PLA1A: variants seen among roughly 807,000 people sequenced by gnomAD.
PLA1A encodes the protein phospholipase A1 member A.
In PLA1A, 47 loss-of-function variants were observed where a neutral mutation model predicts 49.4. The ratio of observed to expected loss-of-function variants is 0.95; its 90% confidence interval spans 0.75 to 1.21. The LOEUF (loss-of-function observed/expected upper bound fraction) is 1.21, where lower values mean the gene tolerates loss of function less well. PLA1A is among the 50% of genes most tolerant of loss of function. The probability of loss-of-function intolerance (pLI) is 0.00; values close to 1 mark genes in which losing one functional copy is unlikely to be tolerated. For synonymous variants in PLA1A, 224 were observed against 207.9 expected (o/e 1.08, Z -0.67); for missense variants, 561 against 563.9 (o/e 0.99, Z 0.05).
At chr3:119,606,698 C>G in intron 1 of PLA1A, 76 bp from the exon 2 acceptor site, 1 of 1,201,100 alleles carries the variant, frequency 8.3e-7, no homozygotes, top group South Asian at 1.3e-5. Flanking sequence ...TGCTTCCTTC[C>G]AAGGTCATCT....
intron 1 of PLA1A, among the ~76,000 whole-genome samples, chr3:119,603,167 G>C (rs990695364): frequency 2.5e-4 from 10 of 40,700 alleles, no homozygotes; most frequent in Admixed American, 1.8e-3. Flanking sequence ...AACATGACTT[G>C]ACTGACTTAA....
At chr3:119,609,321 G>C in intron 3 of PLA1A, 147 bp from the exon 4 acceptor site, 2 of 734,538 alleles carry the variant, frequency 2.7e-6, no homozygotes, top group Admixed American at 3.8e-5. Context: ...TTAACAATGA[G>C]AGTGCTGTCC....
chr3:119,607,159 T>C (rs2082700527), intron 2 of PLA1A, 184 bp downstream of exon 2: 1 of 606,606 alleles, frequency 1.6e-6, no homozygotes, highest in Non-Finnish European at 2.9e-6. Context: ...TTCATTCTTA[T>C]TGGTCATATA....
intron 1 of PLA1A, among the ~76,000 whole-genome samples, chr3:119,606,561 A>G (rs1431974495): frequency 2.6e-5 from 4 of 152,164 alleles, no homozygotes; most frequent in Non-Finnish European, 5.9e-5. Context: ...CTTCTCTGCT[A>G]TTTTGTCCTT....
chr3:119,628,653 G>A (rs1321903167), intron 9 of PLA1A, 48 bp from the exon 10 acceptor site: 1 of 1,572,968 alleles, frequency 6.4e-7, no homozygotes, highest in Non-Finnish European at 8.7e-7. Context: ...GGAAGTACAG[G>A]TGGTAAGGGC....
At chr3:119,620,922 T>C (rs1450422680) in intron 8 of PLA1A, among the ~76,000 whole-genome samples, 1 of 152,194 alleles carries the variant, frequency 6.6e-6, no homozygotes, top group African/African-American at 2.4e-5. Flanking sequence ...AGAACTCAAC[T>C]CCAGGTCTCC....
chr3:119,613,709 C>T (rs962431771), intron 5 of PLA1A, among the ~76,000 whole-genome samples: 1 of 152,024 alleles, frequency 6.6e-6, no homozygotes, highest in Non-Finnish European at 1.5e-5. Flanking sequence ...CTGGCTAACA[C>T]GGTGAAACCC....
chr3:119,607,022 G>C (rs1390203269), intron 2 of PLA1A, 47 bp downstream of exon 2: 1 of 1,456,864 alleles, frequency 6.9e-7, no homozygotes, highest in African/African-American at 1.4e-5. Context: ...GAATGATCAA[G>C]TAACCATAAT....
Position 119,616,108 on chromosome 3 carries a change from A to G in PLA1A, c.754+7A>G. ...CCCACCTTCTTTTACGCAGGTCAGA[A>G]AGCCAGTACAATCTGGTATTTGGCA... On this transcript the variant is annotated splice_region_variant and intron_variant, in intron 6 of 10. Transcript: ENST00000273371. 6.3e-7 allele frequency: 1 copy of G among 1,591,276 alleles called. No individual in the cohort carries two copies.
rs563544979 is a variant in PLA1A at position 119,609,389 on chromosome 3, A to C, written c.454-79A>C. 2.8e-5 allele frequency: 25 copies of C among 906,620 alleles called. No homozygotes were observed. In the African/African-American group the frequency reaches 3.7e-4, roughly 14 times the overall value. 56.2% of individuals were successfully genotyped at this position (906,620 alleles called of 1,614,324 possible). A position where few individuals can be genotyped will look rare whatever the true frequency, so the allele number is the denominator to read the frequency against. On this transcript the variant is annotated intron_variant, in intron 3 of 10. Coordinates refer to ENST00000273371, the MANE Select transcript of PLA1A (RefSeq NM_015900.4). ...TCATGCCCAGGGCCTCGGCTTCTGA[A>C]GCTTTGGGGGAAAGCCTGCCACTGT... is the stretch of plus-strand genomic sequence containing the variant.
intron 8 of PLA1A, among the ~76,000 whole-genome samples, chr3:119,622,755 A>C (rs2082961563): frequency 1.4e-5 from 2 of 147,602 alleles, no homozygotes; most frequent in African/African-American, 5.0e-5. Context: ...GCAAAATGCC[A>C]CCAGGTTGCA....
chr3:119,628,792 A>G lies in PLA1A; in HGVS notation c.1213A>G (p.Asn405Asp), dbSNP rs770434458. 92 of 1,614,022 alleles carry G rather than the reference A, an allele frequency of 5.7e-5. No homozygotes were observed. The Middle Eastern group carries it at 6.6e-4, about 12-fold the overall frequency. Residue 405 changes from asparagine (N) to aspartate (D), a missense_variant, in exon 10 of 11, where the codon AAC becomes GAC. By Grantham distance (23) the Asn-to-Asp change is conservative. Transcript: ENST00000273371. ...AGTGAAATTCAAGTTTCAGTCTTCC[A>G]ACCGAGTTTGGAAAAAAGACCGGAC... ...NQVKFKFQSSNRVWKKDRTTI... is the reference protein window; with the variant it reads ...NQVKFKFQSSDRVWKKDRTTI...
chr3:119,628,838 G>A lies in PLA1A; in HGVS notation c.1259G>A (p.Cys420Tyr), dbSNP rs1436929586. 1 of 1,614,096 alleles carries A rather than the reference G, an allele frequency of 6.2e-7. No individual in the cohort carries two copies. The highest frequency in any genetic ancestry group is 1.1e-5 in the South Asian group (1 of 91,078). ...KDRTTIIGKF[C>Y]TALLPVNDRE... ...CGGACTACCATTATTGGGAAGTTCT[G>A]CACTGCCCTTTTGCCTGTCAATGAC... is the stretch of plus-strand genomic sequence containing the variant. The change falls in exon 10 of 11, where the codon TGC becomes TAC. Residue 420 changes from cysteine to tyrosine, a missense_variant. Transcript: ENST00000273371.
At position 119,616,040 on chromosome 3, in the gene PLA1A, T is replaced by G. The variant is rs1169470331; in HGVS notation, c.693T>G (p.His231Gln). 3.1e-6 allele frequency: 5 copies of G among 1,613,184 alleles called. No homozygotes were observed. The South Asian group carries it at 5.5e-5, about 18-fold the overall frequency. Residue 231 changes from histidine (H) to glutamine (Q), a missense_variant, in exon 6 of 11, where the codon CAT (histidine) becomes CAG (glutamine). Physicochemically the swap from His to Gln is conservative, Grantham distance 24 (BLOSUM62 0). Coordinates refer to ENST00000273371, the MANE Select transcript of PLA1A (RefSeq NM_015900.4). The stretch of plus-strand genomic sequence containing the variant: ...TGGGTATTCGGATTCCCGTTGGACA[T>G]GTGGACTACTTCGTCAACGGAGGCC... ...DNLGIRIPVG[H>Q]VDYFVNGGQD...
At chr3:119,615,788 G>T (rs2082837690) in intron 5 of PLA1A, among the ~76,000 whole-genome samples, 1 of 151,862 alleles carries the variant, frequency 6.6e-6, no homozygotes, top group Admixed American at 6.6e-5. Flanking sequence ...TCCAGCCTGG[G>T]TGACAAGAGC....
intron 4 of PLA1A, 57 bp downstream of exon 4, chr3:119,609,633 A>C: frequency 3.1e-6 from 3 of 965,692 alleles, no homozygotes; most frequent in Non-Finnish European, 5.0e-6. Flanking sequence ...GCTTGCCCTG[A>C]AAATATCTCT....
chr3:119,612,062 A>T (rs1008867018), intron 4 of PLA1A, among the ~76,000 whole-genome samples: 1 of 152,002 alleles, frequency 6.6e-6, no homozygotes, highest in African/African-American at 2.4e-5. Context: ...TGTAGCAAAA[A>T]CCCTCAGCTT....
Position 119,616,100 on chromosome 3 carries a change from A to G in PLA1A, c.753A>G (p.Ala251=), listed in dbSNP as rs2082845523. 1.9e-6 allele frequency: 3 copies of G among 1,602,702 alleles called. No homozygotes were observed. The highest frequency in any genetic ancestry group is 4.5e-5 in the East Asian group (2 of 44,826). ...DQPGCPTFFY[A]GYSYLICDHM... ...CTGGCTGCCCCACCTTCTTTTACGC[A>G]GGTCAGAAAGCCAGTACAATCTGGT... The change falls in exon 6 of 11, where the codon GCA becomes GCG. Residue 251 remains alanine, a splice_region_variant and synonymous_variant. Coordinates refer to ENST00000273371, the MANE Select transcript of PLA1A (RefSeq NM_015900.4).
At chr3:119,616,138 C>T (rs765262256) in intron 6 of PLA1A, 37 bp downstream of exon 6, 50 of 1,382,094 alleles carry the variant, frequency 3.6e-5, no homozygotes, top group East Asian at 4.6e-5. Flanking sequence ...TTGGCAACCC[C>T]GGAGATTGAA....
Sources: gnomAD v4.1 joint callset for allele counts (sites outside exome capture counted in the v4.1 genomes callset) on GRCh38, gnomAD v4.1.1 for gene constraint, MANE v1.5 for transcripts, NCBI Gene and HGNC (gene_info 2026-07-23, HGNC 2026-07-21) for gene names.